LUZP1: variants seen among roughly 807,000 people sequenced by gnomAD.
LUZP1 encodes the protein leucine zipper protein 1.
In LUZP1, 25 loss-of-function variants were observed where a neutral mutation model predicts 71.3. The ratio of observed to expected loss-of-function variants is 0.35; its 90% CI spans 0.26 to 0.49. LUZP1 has a LOEUF of 0.49. Ranked by LOEUF, LUZP1 falls within the 20% of genes least tolerant of loss-of-function variation. The pLI is 0.99. For missense variants in LUZP1, 1,142 were observed against 1,300.8 expected (o/e 0.88, Z 1.88); for synonymous variants, 481 against 506.4 (o/e 0.95, Z 0.67).
At chr1:23,115,935 T>A (rs752620985) in intron 2 of LUZP1, among the ~76,000 whole-genome samples, 5 of 152,206 alleles carry the variant, frequency 3.3e-5, no homozygotes, top group Non-Finnish European at 7.3e-5. Context: ...CATCTAAAAT[T>A]GTTATTCACC....
chr1:23,095,520 G>C (rs1416204417), intron 3 of LUZP1, among the ~76,000 whole-genome samples: 1 of 152,182 alleles, frequency 6.6e-6, no homozygotes, highest in African/African-American at 2.4e-5. Context: ...TTAGGGTCTT[G>C]CCGATCTCCA....
intron 1 of LUZP1, among the ~76,000 whole-genome samples, chr1:23,173,350 CTTTTTT>C (rs869169060): frequency 5.0e-5 from 4 of 80,356 alleles, no homozygotes; most frequent in African/African-American, 1.5e-4. Context: ...TTTGTTTTTT[CTTTTTT>C]TTTTTTTTTT....
intron 2 of LUZP1, among the ~76,000 whole-genome samples, chr1:23,162,314 T>C (rs1644473920): frequency 6.6e-6 from 1 of 152,144 alleles, no homozygotes; most frequent in South Asian, 2.1e-4. Context: ...GATCTAGATC[T>C]AGGTGCTGCT....
chr1:23,116,291 G>A (rs1260832311), intron 2 of LUZP1, among the ~76,000 whole-genome samples: 4 of 152,176 alleles, frequency 2.6e-5, no homozygotes, highest in Non-Finnish European at 5.9e-5. Context: ...TGAAGTGGGA[G>A]GATCACTTGA....
At chr1:23,110,299 T>C (rs1431611221) in intron 2 of LUZP1, among the ~76,000 whole-genome samples, 2 of 152,044 alleles carry the variant, frequency 1.3e-5, no homozygotes, top group African/African-American at 2.4e-5. Flanking sequence ...TACAGGAGAG[T>C]TGAAAAGCCT....
At chr1:23,119,251 CTTT>C (rs35522356) in intron 2 of LUZP1, among the ~76,000 whole-genome samples, 1 of 69,994 alleles carries the variant, frequency 1.4e-5, no homozygotes, top group Non-Finnish European at 2.5e-5. Flanking sequence ...GTGACTAGCT[CTTT>C]TTTTTTTTTT....
At chr1:23,158,369 G>T (rs925309731) in intron 2 of LUZP1, among the ~76,000 whole-genome samples, 1 of 152,206 alleles carries the variant, frequency 6.6e-6, no homozygotes, top group East Asian at 1.9e-4. Flanking sequence ...AGATGGGTTA[G>T]GCTAGGCGCA....
chr1:23,097,479 A>C (rs925092075), intron 3 of LUZP1, among the ~76,000 whole-genome samples: 57 of 152,150 alleles, frequency 3.7e-4, no homozygotes, highest in African/African-American at 1.4e-3. Flanking sequence ...ACAGTTGAGA[A>C]ATGGTCAGAA....
At chr1:23,173,350 C>CTTTTTTTTTTTTTTTTTTTTTTTTTT (rs869169060) in intron 1 of LUZP1, among the ~76,000 whole-genome samples, 1 of 80,358 alleles carries the variant, frequency 1.2e-5, no homozygotes, top group Non-Finnish European at 2.4e-5. Flanking sequence ...TTTGTTTTTT[C>CTTTTTTTTTTTTTTTTTTTTTTTTTT]TTTTTTTTTT....
intron 3 of LUZP1, among the ~76,000 whole-genome samples, chr1:23,096,142 A>C (rs1643890869): frequency 6.6e-6 from 1 of 152,118 alleles, no homozygotes; most frequent in African/African-American, 2.4e-5. Flanking sequence ...AAAAAAAAAA[A>C]AACAGGAGAA....
At chr1:23,150,170 T>C (rs1644373290) in intron 2 of LUZP1, among the ~76,000 whole-genome samples, 1 of 151,934 alleles carries the variant, frequency 6.6e-6, no homozygotes, top group African/African-American at 2.4e-5. Context: ...TACTAGAGAA[T>C]GCAATGAAGA....
chr1:23,085,466 CT>C (rs1044133012), exon 5 of LUZP1: 10 of 152,602 alleles, frequency 6.6e-5, no homozygotes, highest in African/African-American at 2.4e-4. Context: ...AAAATAATCC[CT>C]AAAAGCAGCT....
At chr1:23,165,099 A>G (rs1439031357) in intron 2 of LUZP1, among the ~76,000 whole-genome samples, 1 of 152,154 alleles carries the variant, frequency 6.6e-6, no homozygotes, top group African/African-American at 2.4e-5. Flanking sequence ...TTAAATACCG[A>G]AGGTTTTCCT....
At chr1:23,155,658 A>T (rs1270403874) in intron 2 of LUZP1, among the ~76,000 whole-genome samples, 2 of 152,228 alleles carry the variant, frequency 1.3e-5, no homozygotes, top group Non-Finnish European at 2.9e-5. Context: ...TCTGAATTAT[A>T]AACTTAAATG....
At chr1:23,084,693 T>C (rs1643733380) in exon 5 of LUZP1, 1 of 150,704 alleles carries the variant, frequency 6.6e-6, no homozygotes, top group South Asian at 2.1e-4. Context: ...ATTATATATA[T>C]TGGTGATCTG....
At chr1:23,115,548 C>CT (rs1052412059) in intron 2 of LUZP1, among the ~76,000 whole-genome samples, 20 of 151,384 alleles carry the variant, frequency 1.3e-4, no homozygotes, top group Admixed American at 5.9e-4. Flanking sequence ...GCTACTTCCT[C>CT]TTTTTTTTTG....
intron 3 of LUZP1, among the ~76,000 whole-genome samples, chr1:23,107,553 C>T (rs1356414318): frequency 2.0e-5 from 3 of 152,192 alleles, no homozygotes; most frequent in Non-Finnish European, 4.4e-5. Flanking sequence ...ATAATCCCAG[C>T]ACTCTGGGAG....
intron 2 of LUZP1, chr1:23,140,790 C>T (rs1644297063): frequency 6.6e-6 from 1 of 152,466 alleles, no homozygotes; most frequent in Admixed American, 6.5e-5. Context: ...CTGCTGGCAA[C>T]ACCTGCTGCT....
chr1:23,138,643 A>G (rs993623424), intron 2 of LUZP1, among the ~76,000 whole-genome samples: 5 of 147,358 alleles, frequency 3.4e-5, no homozygotes, highest in Admixed American at 1.4e-4. Flanking sequence ...AATGATTTTT[A>G]TGGTATATGG....
Sources: allele counts gnomAD v4.1 joint callset (sites outside exome capture counted in the v4.1 genomes callset), GRCh38; gene constraint gnomAD v4.1.1; transcripts MANE v1.5; gene names NCBI Gene and HGNC (gene_info 2026-07-23, HGNC 2026-07-21).